The following DEAF1 variants were observed in gnomAD, a reference collection of about 807,000 sequenced individuals.
DEAF1 encodes DEAF1 transcription factor.
Under a neutral mutation model 58.9 loss-of-function variants are expected in DEAF1, and 53 were observed. The ratio of observed to expected loss-of-function variants is 0.90; its 90% confidence interval spans 0.72 to 1.13. The LOEUF (loss-of-function observed/expected upper bound fraction) is 1.13, where lower values mean the gene tolerates loss of function less well. Among genes scored for constraint, DEAF1 ranks in the 50% most tolerant of loss-of-function variants. DEAF1 has a pLI of 0.00. For synonymous variants in DEAF1, 385 were observed against 340.4 expected (o/e 1.13, Z -1.44); for missense variants, 685 against 791.4 (o/e 0.87, Z 1.61).
intron 10 of DEAF1, among the ~76,000 whole-genome samples, chr11:669,550 C>T (rs1159296021): frequency 6.6e-6 from 1 of 151,590 alleles, no homozygotes; most frequent in Non-Finnish European, 1.5e-5. Flanking sequence ...GCAGGAGACT[C>T]TCTTGAACCT....
At chr11:679,996 G>T (rs1196640773) in intron 7 of DEAF1, 180 bp from the exon 8 acceptor site, 1 of 752,754 alleles carries the variant, frequency 1.3e-6, no homozygotes, top group Non-Finnish European at 2.1e-6. Context: ...AGACCTCACA[G>T]GAGAAAACCA....
intron 11 of DEAF1, among the ~76,000 whole-genome samples, chr11:648,611 G>A (rs1386764382): frequency 6.6e-6 from 1 of 152,130 alleles, no homozygotes; most frequent in African/African-American, 2.4e-5. Flanking sequence ...TTCTGTAGGT[G>A]AAAGGAGCTC....
chr11:665,173 C>T (rs377397026), intron 10 of DEAF1, among the ~76,000 whole-genome samples: 64 of 61,410 alleles, frequency 1.0e-3, no homozygotes, highest in South Asian at 3.6e-3. Flanking sequence ...CTATTCACAC[C>T]GAGAGGAGAA....
chr11:653,740 C>T (rs1227287670), intron 11 of DEAF1, among the ~76,000 whole-genome samples: 1 of 152,178 alleles, frequency 6.6e-6, no homozygotes, highest in East Asian at 1.9e-4. Flanking sequence ...TTTCCGGCCA[C>T]CAACTGTGGG....
Position 644,255 on chromosome 11 carries a change from C to G in DEAF1, c.*295G>C, listed in dbSNP as rs1186754711. ...GGAGACCTTATTTACACTTTATTGA[C>G]AGACACAACACGTATGTATGTGCGT... On this transcript the variant is annotated 3_prime_UTR_variant, in exon 12 of 12. Transcript: ENST00000382409. The surrounding 1 kb of genome is among the most constrained non-coding windows in gnomAD (Gnocchi z 4.3). 2.0e-6 allele frequency: 1 copy of G among 506,036 alleles called. No homozygotes were observed. The highest frequency in any genetic ancestry group is 3.6e-6 in the Non-Finnish European group (1 of 275,944). 31.3% of individuals were successfully genotyped at this position (506,036 alleles called of 1,614,324 possible). A position where few individuals can be genotyped will look rare whatever the true frequency, so the allele number is the denominator to read the frequency against.
At chr11:652,455 T>C (rs999731931) in intron 11 of DEAF1, among the ~76,000 whole-genome samples, 3 of 152,074 alleles carry the variant, frequency 2.0e-5, no homozygotes, top group Non-Finnish European at 4.4e-5. Context: ...CTGGGCAACA[T>C]GGTGAAACCC....
At chr11:702,014 A>G (rs746525585) in intron 1 of DEAF1, among the ~76,000 whole-genome samples, 6 of 152,182 alleles carry the variant, frequency 3.9e-5, no homozygotes, top group African/African-American at 7.2e-5. Context: ...GGGGAACGCA[A>G]TGGGCACTTC....
chr11:662,176 G>C (rs1199808155), intron 10 of DEAF1, among the ~76,000 whole-genome samples: 1 of 152,184 alleles, frequency 6.6e-6, no homozygotes, highest in Non-Finnish European at 1.5e-5. Context: ...CTACTCGAGA[G>C]GCTGAAGCAA....
At chr11:678,089 T>C (rs781348432) in intron 9 of DEAF1, among the ~76,000 whole-genome samples, 3 of 151,792 alleles carry the variant, frequency 2.0e-5, no homozygotes, top group Non-Finnish European at 4.4e-5. Context: ...GTTCGAGATC[T>C]GTAATCCCAG....
At chr11:700,103 C>A (rs904634647), upstream of DEAF1, 93 of 1,588,910 alleles carry the variant, frequency 5.9e-5, no homozygotes, top group Non-Finnish European at 7.9e-5. Context: ...AGGCTGCTCC[C>A]AAGCCTGTTG....
At chr11:665,904 G>A (rs146764078) in intron 10 of DEAF1, 3 of 152,444 alleles carry the variant, frequency 2.0e-5, no homozygotes, top group African/African-American at 7.2e-5. Context: ...AGCACAGAGA[G>A]AGGACACTCC....
intron 1 of DEAF1, chr11:703,190 C>T (rs1192351541): frequency 6.4e-7 from 1 of 1,564,326 alleles, no homozygotes; most frequent in Non-Finnish European, 8.7e-7. Context: ...GGCCCTCCTC[C>T]TGGGCCTGAC....
Position 673,347 on chromosome 11 carries a change from T to TA in DEAF1, c.1503+1188dup, listed in dbSNP as rs1184477525. Among the ~76,000 whole-genome samples, 50 of 151,550 alleles carry TA rather than the reference T, an allele frequency of 3.3e-4. 1 individual carries two copies. Among genetic ancestry groups the TA allele is most frequent in the African/African-American group, 1.2e-3 (50 of 41,298 alleles). ...TGTGAGATCAGCCTGGGCAACATGGTAAAACCCCGTCTCTACCAAAAATAC... is the reference window on the plus strand; with the variant it reads ...TGTGAGATCAGCCTGGGCAACATGGTAAAAACCCCGTCTCTACCAAAAATAC... On this transcript the variant is annotated intron_variant, in intron 10 of 11. Coordinates refer to ENST00000382409, the MANE Select transcript of DEAF1 (RefSeq NM_021008.4).
chr11:661,760 C>T (rs1175557079), intron 10 of DEAF1, among the ~76,000 whole-genome samples: 1 of 152,058 alleles, frequency 6.6e-6, no homozygotes, highest in Non-Finnish European at 1.5e-5. Context: ...TCACGCCTGC[C>T]CTCCCACTGC....
chr11:701,606 T>A lies in DEAF1; in HGVS notation c.-438+4966A>T, dbSNP rs374358463. 2.6e-5 allele frequency among the ~76,000 whole-genome samples: 4 copies of A among 152,016 alleles called. No homozygotes were observed. The South Asian group carries it at 8.3e-4, about 32-fold the overall frequency. ...TTGTATTTTTAGTAGAGATGGGGTTTCACCATGTTAGCCAGGATGGTTTCC... is the reference window on the plus strand; with the variant it reads ...TTGTATTTTTAGTAGAGATGGGGTTACACCATGTTAGCCAGGATGGTTTCC... On this transcript the variant is annotated intron_variant, in intron 1 of 11. Transcript: ENST00000683307.
intron 10 of DEAF1, among the ~76,000 whole-genome samples, chr11:660,440 T>C (rs999536861): frequency 2.6e-5 from 4 of 152,158 alleles, no homozygotes; most frequent in Non-Finnish European, 5.9e-5. Flanking sequence ...CCTCTGTGCT[T>C]TTCCCAGGCT....
intron 11 of DEAF1, among the ~76,000 whole-genome samples, chr11:645,057 G>T (rs11246232): frequency 1.3e-5 from 2 of 150,690 alleles, no homozygotes; most frequent in Non-Finnish European, 3.0e-5. Context: ...CAGCTACTCG[G>T]GAAGCTGAGG....
intron 11 of DEAF1, among the ~76,000 whole-genome samples, chr11:648,520 T>C (rs1858608051): frequency 6.6e-6 from 1 of 152,040 alleles, no homozygotes; most frequent in Non-Finnish European, 1.5e-5. Context: ...AAGAACAGGA[T>C]CTGAGGGAGG....
At chr11:696,260 G>A (rs1055013936), upstream of DEAF1, among the ~76,000 whole-genome samples, 9 of 152,120 alleles carry the variant, frequency 5.9e-5, no homozygotes, top group African/African-American at 2.2e-4. Flanking sequence ...TCCGAGAGGA[G>A]GAAGGGACAG....
Sources: allele counts gnomAD v4.1 joint callset (sites outside exome capture counted in the v4.1 genomes callset), GRCh38; gene constraint gnomAD v4.1.1; non-coding constraint Gnocchi (gnomAD v3.1); transcripts MANE v1.5; gene names NCBI Gene and HGNC (gene_info 2026-07-23, HGNC 2026-07-21).